The following GALNT13 variants were observed in gnomAD, a reference collection of about 807,000 sequenced individuals.
GALNT13 encodes UDP-GalNAc:polypeptide N-acetylgalactosaminyltransferase 13.
In GALNT13, 28 loss-of-function variants were observed where a neutral mutation model predicts 64.2. The ratio of observed to expected loss-of-function variants is 0.44; its 90% CI spans 0.32 to 0.60. The LOEUF (loss-of-function observed/expected upper bound fraction) is 0.60, where lower values mean the gene tolerates loss of function less well. GALNT13 is among the 20% of genes least tolerant of loss of function. The pLI is 0.05. For synonymous variants in GALNT13, 214 were observed against 224.6 expected (o/e 0.95, Z 0.42); for missense variants, 577 against 669.8 (o/e 0.86, Z 1.53).
chr2:153,884,799 A>ATG (rs1391284156), intron 1 of GALNT13, among the ~76,000 whole-genome samples: 5 of 79,278 alleles, frequency 6.3e-5, no homozygotes, highest in East Asian at 6.5e-4. Flanking sequence ...GTGTGTATAT[A>ATG]TATATATGTG....
intron 3 of GALNT13, among the ~76,000 whole-genome samples, chr2:154,089,420 G>A (rs1701691204): frequency 1.3e-5 from 2 of 152,026 alleles, no homozygotes; most frequent in Admixed American, 6.6e-5. Context: ...CCGCCCATTC[G>A]TTTTCTTGGC....
chr2:153,944,174 G>T (rs970357529), intron 2 of GALNT13, among the ~76,000 whole-genome samples: 4 of 152,090 alleles, frequency 2.6e-5, no homozygotes, highest in Admixed American at 2.6e-4. Flanking sequence ...TTTGTCAAGG[G>T]CCTGGCAGAG....
At chr2:153,850,417 T>G in the GALNT13 span, among the ~76,000 whole-genome samples, 1 of 152,156 alleles carries the variant, frequency 6.6e-6, no homozygotes, top group Non-Finnish European at 1.5e-5. Flanking sequence ...GATCAAACTA[T>G]TTCCAAACAA....
chr2:153,925,062 G>C (rs1319733746), intron 2 of GALNT13, among the ~76,000 whole-genome samples: 1 of 152,138 alleles, frequency 6.6e-6, no homozygotes, highest in Non-Finnish European at 1.5e-5. Context: ...AATTTAATTA[G>C]ATTCCATTTG....
At chr2:153,428,008 T>G in the GALNT13 span, among the ~76,000 whole-genome samples, 1 of 152,346 alleles carries the variant, frequency 6.6e-6, no homozygotes. Context: ...CCTTGCTTTC[T>G]AATTAAAGAT....
At chr2:153,876,202 T>TACACAC (rs56256669) in intron 1 of GALNT13, among the ~76,000 whole-genome samples, 7,736 of 148,700 alleles carry the variant, frequency 0.052, 342 homozygotes, top group African/African-American at 0.12. Context: ...CCCCCCACAC[T>TACACAC]ACACACACAC....
chr2:154,046,914 G>C (rs1188599524), intron 3 of GALNT13, among the ~76,000 whole-genome samples: 2 of 142,900 alleles, frequency 1.4e-5, no homozygotes, highest in Non-Finnish European at 3.0e-5. Flanking sequence ...ATATATTTCT[G>C]TTGTTTAGGC....
intron 2 of GALNT13, among the ~76,000 whole-genome samples, chr2:153,915,685 T>A (rs1480800016): frequency 9.6e-6 from 1 of 104,084 alleles, no homozygotes; most frequent in African/African-American, 3.6e-5. Context: ...GAATCTAGTC[T>A]CCTTTTGTAG....
chr2:153,502,058 T>A, the GALNT13 span, among the ~76,000 whole-genome samples: 3 of 152,196 alleles, frequency 2.0e-5, no homozygotes, highest in African/African-American at 7.2e-5. Context: ...AATTATTTAT[T>A]TTTTGTGAGG....
At chr2:153,911,658 G>A (rs758422781) in intron 2 of GALNT13, among the ~76,000 whole-genome samples, 9 of 151,948 alleles carry the variant, frequency 5.9e-5, no homozygotes, top group Non-Finnish European at 1.0e-4. Flanking sequence ...TTTCTCCTTC[G>A]CTTATGAAGC....
At chr2:153,523,016 G>A in the GALNT13 span, among the ~76,000 whole-genome samples, 113 of 132,960 alleles carry the variant, frequency 8.5e-4, no homozygotes, top group African/African-American at 2.9e-3. Context: ...GTTATTTTTT[G>A]TGAAGGATGC....
At chr2:153,705,817 C>A in the GALNT13 span, among the ~76,000 whole-genome samples, 1 of 152,060 alleles carries the variant, frequency 6.6e-6, no homozygotes, top group Non-Finnish European at 1.5e-5. Context: ...TGGCAAAGGT[C>A]ATGGATCAGA....
chr2:154,306,622 G>GGT (rs1553512837), intron 9 of GALNT13, among the ~76,000 whole-genome samples: 3 of 150,126 alleles, frequency 2.0e-5, no homozygotes, highest in South Asian at 4.3e-4. Context: ...ATTTGGTGGG[G>GGT]GGGGGGTCAA....
the GALNT13 span, among the ~76,000 whole-genome samples, chr2:153,078,433 T>C: frequency 6.6e-6 from 1 of 151,300 alleles, no homozygotes; most frequent in Non-Finnish European, 1.5e-5. Context: ...TGCCTCAGCC[T>C]CCCAAGTAGC....
rs1341373277 is a variant in GALNT13 at position 154,043,455 on chromosome 2, T to TATATATACAC, written c.143-96881_143-96880insTATATACACA. On this transcript the variant is annotated intron_variant, in intron 3 of 12. Transcript: ENST00000392825. ...ATATATATATATATATATATATATA[T>TATATATACAC]ACACACATGTATACATAAAAACATG... Among the ~76,000 whole-genome samples, 938 of 104,368 alleles carry TATATATACAC rather than the reference T, an allele frequency of 9.0e-3. 13 individuals are homozygous for TATATATACAC. Among genetic ancestry groups the TATATATACAC allele is most frequent in the East Asian group, 0.044 (67 of 1,534 alleles). 68.5% of individuals were successfully genotyped at this position (104,368 alleles called of 152,430 possible).
chr2:153,263,624 G>A, the GALNT13 span, among the ~76,000 whole-genome samples: 2 of 152,208 alleles, frequency 1.3e-5, no homozygotes, highest in African/African-American at 4.8e-5. Context: ...ACAGAATACA[G>A]AACTCAGAAA....
the GALNT13 span, among the ~76,000 whole-genome samples, chr2:153,840,419 A>G: frequency 6.6e-6 from 1 of 152,138 alleles, no homozygotes; most frequent in African/African-American, 2.4e-5. Flanking sequence ...GTTGTAATCT[A>G]TATAATAAAG....
chr2:154,373,308 CTG>C (rs1435627089), intron 9 of GALNT13, among the ~76,000 whole-genome samples: 1 of 152,034 alleles, frequency 6.6e-6, no homozygotes, highest in African/African-American at 2.4e-5. Flanking sequence ...TATAACAAAA[CTG>C]AGATTGTATT....
At chr2:153,635,101 A>G in the GALNT13 span, among the ~76,000 whole-genome samples, 1 of 152,060 alleles carries the variant, frequency 6.6e-6, no homozygotes, top group African/African-American at 2.4e-5. Context: ...GCAGGGGAAA[A>G]AAAAACCACT....
Sources: allele counts gnomAD v4.1 joint callset (sites outside exome capture counted in the v4.1 genomes callset), GRCh38; gene constraint gnomAD v4.1.1; transcripts MANE v1.5; gene names NCBI Gene and HGNC (gene_info 2026-07-23, HGNC 2026-07-21).